Variants in KRT39 observed in about 807,000 individuals in gnomAD.
KRT39 encodes keratin, type I cytoskeletal 39.
Under a neutral mutation model 54.8 loss-of-function variants are expected in KRT39, and 47 were observed. The ratio of observed to expected loss-of-function variants is 0.86; its 90% CI spans 0.68 to 1.09. The LOEUF (loss-of-function observed/expected upper bound fraction) is 1.09. Ranked by LOEUF, KRT39 falls within the 50% of genes least tolerant of loss-of-function variation. KRT39 has a pLI of 0.00. For synonymous variants in KRT39, 207 were observed against 227.9 expected, an observed-to-expected ratio of 0.91 and a Z score of 0.83; for missense variants, 580 against 598.5, an observed-to-expected ratio of 0.97 and a Z score of 0.32.
intron 5 of KRT39, 67 bp from the exon 6 acceptor site, chr17:40,960,568 T>C: frequency 8.5e-7 from 1 of 1,170,680 alleles, no homozygotes. Context: ...GTGACCTGTA[T>C]CATTTAAAAA....
intron 3 of KRT39, among the ~76,000 whole-genome samples, chr17:40,962,865 T>A (rs1460179938): frequency 6.6e-6 from 1 of 152,166 alleles, no homozygotes; most frequent in East Asian, 1.9e-4. Context: ...GTGGAATTGA[T>A]CATGAGAGAT....
Position 40,960,376 on chromosome 17 carries a change from T to C in KRT39, c.1122A>G (p.Arg374=). 6.2e-7 allele frequency: 1 copy of C among 1,614,122 alleles called. No homozygotes were observed. The highest frequency in any genetic ancestry group is 1.1e-5 in the South Asian group (1 of 91,078). The part of the protein sequence containing the change: ...QLAEIRCALE[R]QNQEYEILLD... ...GCAGGATCTCGTATTCTTGGTTCTGTCTTTCCAGGGCACACCGGATCTCTG... is the reference window on the plus strand; with the variant it reads ...GCAGGATCTCGTATTCTTGGTTCTGCCTTTCCAGGGCACACCGGATCTCTG... Residue 374 remains arginine (R), a synonymous_variant, in exon 6 of 7, where the codon AGA becomes AGG. Coordinates refer to ENST00000355612, the MANE Select transcript of KRT39 (RefSeq NM_213656.4).
In KRT39 at chr17:40,964,519, T is replaced by G. The variant is rs1911284622; in HGVS notation, c.478A>C (p.Thr160Pro). 2 of 1,610,616 alleles carry G rather than the reference T, an allele frequency of 1.2e-6. No individual in the cohort carries two copies. Among genetic ancestry groups the G allele is most frequent in the Non-Finnish European group, 1.7e-6 (2 of 1,176,852 alleles). The change falls in exon 2 of 7, where the codon ACC becomes CCC. Residue 160 changes from threonine to proline, a missense_variant. By Grantham distance (38) the Thr-to-Pro change is conservative. Coordinates refer to ENST00000355612, the MANE Select transcript of KRT39 (RefSeq NM_213656.4). ...IEELQQKILC[T>P]KAENSRLVSQ... ...ACCAGTCTGGAATTCTCGGCCTTGG[T>G]ACACAAGATCTAGAATTAAGAGATT... is the stretch of plus-strand genomic sequence containing the variant.
intron 6 of KRT39, 92 bp downstream of exon 6, chr17:40,960,185 TCAAA>T (rs2143610567): frequency 2.8e-6 from 3 of 1,066,692 alleles, no homozygotes; most frequent in Admixed American, 3.6e-5. Flanking sequence ...GGCAAGAAGG[TCAAA>T]CAAAGCACTT....
At chr17:40,963,544 A>T in intron 3 of KRT39, 83 bp downstream of exon 3, 1 of 1,314,658 alleles carries the variant, frequency 7.6e-7, no homozygotes, top group Non-Finnish European at 1.0e-6. Context: ...AAGCGGGCAC[A>T]CCCTTTGTCA....
chr17:40,966,747 C>T lies in KRT39; in HGVS notation c.110G>A (p.Gly37Asp), dbSNP rs1315646331. Reference sequence around the variant, plus strand: ...TTGACAGTTGTTGACTGTAAGGCCACCAGGATGGCAGCCGTTGTTAGAAGA... The same window carrying T: ...TTGACAGTTGTTGACTGTAAGGCCATCAGGATGGCAGCCGTTGTTAGAAGA... ...TISSNNGCHP[G>D]GLTVNNCQPA... Residue 37 changes from glycine to aspartate, a missense_variant, in exon 1 of 7, where the codon GGT becomes GAT. Transcript: ENST00000355612. 3 of 1,614,046 alleles carry T rather than the reference C, an allele frequency of 1.9e-6. No individual in the cohort carries two copies. Among genetic ancestry groups the T allele is most frequent in the Non-Finnish European group, 2.5e-6 (3 of 1,180,034 alleles).
rs143865409 is a variant in KRT39, at chr17:40,959,630, C to T, written c.1217+651G>A. Among the ~76,000 whole-genome samples, 108 of 152,258 alleles carry T rather than the reference C, an allele frequency of 7.1e-4. No individual in the cohort carries two copies. In the East Asian group the frequency reaches 9.8e-3, roughly 14 times the overall value. On this transcript the variant is annotated intron_variant, in intron 6 of 6. Coordinates refer to ENST00000355612, the MANE Select transcript of KRT39 (RefSeq NM_213656.4). ...CTGTGAAGAGTTCACTGATTATTTT[C>T]GGGAAGTAGGTCTCCTTTGCAATTG...
At chr17:40,959,775 T>TAGCA (rs1911060310) in intron 6 of KRT39, among the ~76,000 whole-genome samples, 2 of 152,220 alleles carry the variant, frequency 1.3e-5, no homozygotes, top group African/African-American at 4.8e-5. Context: ...ACTTTTATTT[T>TAGCA]TTAAAAAAGA....
chr17:40,959,087 C>A (rs17843024), intron 6 of KRT39, among the ~76,000 whole-genome samples: 37,982 of 152,090 alleles, frequency 0.25, 6,455 homozygotes, highest in African/African-American at 0.49. Flanking sequence ...TGTAAGTTTC[C>A]ATTAGTCAAT....
intron 6 of KRT39, 103 bp from the exon 7 acceptor site, chr17:40,958,962 C>A: frequency 3.0e-6 from 3 of 999,434 alleles, no homozygotes; most frequent in East Asian, 2.4e-5. Context: ...TTGCTCAAGA[C>A]AAGTACATAC....
intron 2 of KRT39, 53 bp from the exon 3 acceptor site, chr17:40,963,836 C>A: frequency 6.9e-7 from 1 of 1,444,792 alleles, no homozygotes; most frequent in Non-Finnish European, 9.5e-7. Context: ...TGATGCAAAC[C>A]AAGCCAAGCA....
rs1911010999 is a variant in KRT39 at position 40,958,789 on chromosome 17, C to G, written c.1288G>C (p.Glu430Gln). 2 of 1,613,902 alleles carry G rather than the reference C, an allele frequency of 1.2e-6. No individual in the cohort carries two copies. Among genetic ancestry groups the G allele is most frequent in the Admixed American group, 3.3e-5 (2 of 60,002 alleles). Residue 430 changes from glutamate to glutamine, a missense_variant, in exon 7 of 7, where the codon GAA (glutamate) becomes CAA (glutamine). Transcript: ENST00000355612. ...GATGTGCAAGCTGGGGCCGTGCTTT[C>G]TATGGCTCCGGACTTACAAGATGTC... Reference protein sequence around the residue: ...PWTSCKSGAIESTAPACTSSS... With the variant: ...PWTSCKSGAIQSTAPACTSSS...
rs779568285 is a variant in KRT39, at chr17:40,966,380, G to T, written c.468+9C>A. 6.4e-7 allele frequency: 1 copy of T among 1,572,558 alleles called. No individual in the cohort carries two copies. Among genetic ancestry groups the T allele is most frequent in the Non-Finnish European group, 8.7e-7 (1 of 1,143,778 alleles). ...ACAACACGATTAAACAGGTTCTTAGGAATCTTACCTTCTGCTGGAGCTCCT... is the reference window on the plus strand; with the variant it reads ...ACAACACGATTAAACAGGTTCTTAGTAATCTTACCTTCTGCTGGAGCTCCT... On this transcript the variant is annotated intron_variant, in intron 1 of 6. Coordinates refer to ENST00000355612, the MANE Select transcript of KRT39 (RefSeq NM_213656.4).
In KRT39 at chr17:40,962,778, A is replaced by C. The variant is rs540099093; in HGVS notation, c.709-215T>G. 3.9e-5 allele frequency among the ~76,000 whole-genome samples: 6 copies of C among 152,368 alleles called. No individual in the cohort carries two copies. The South Asian group carries it at 6.2e-4, about 16-fold the overall frequency. ...GTTTAAATGTGTGCAAAATTAAAAAAAAATGAGTAGCAAGACCAGAGTTCC... is the reference window on the plus strand; with the variant it reads ...GTTTAAATGTGTGCAAAATTAAAAACAAATGAGTAGCAAGACCAGAGTTCC... On this transcript the variant is annotated intron_variant, in intron 3 of 6. Coordinates refer to ENST00000355612, the MANE Select transcript of KRT39 (RefSeq NM_213656.4).
At chr17:40,959,088 A>G (rs1239709207) in intron 6 of KRT39, among the ~76,000 whole-genome samples, 2 of 152,246 alleles carry the variant, frequency 1.3e-5, no homozygotes, top group Non-Finnish European at 2.9e-5. Context: ...GTAAGTTTCC[A>G]TTAGTCAATA....
At chr17:40,962,595 G>T (rs768496237) in intron 3 of KRT39, 32 bp from the exon 4 acceptor site, 4 of 1,593,734 alleles carry the variant, frequency 2.5e-6, no homozygotes, top group Non-Finnish European at 3.4e-6. Flanking sequence ...GAAGTCACTT[G>T]GTGAACAGAT....
chr17:40,959,028 G>T (rs2143607363), intron 6 of KRT39, among the ~76,000 whole-genome samples, 169 bp from the exon 7 acceptor site: 1 of 152,290 alleles, frequency 6.6e-6, no homozygotes, highest in South Asian at 2.1e-4. Context: ...AAAAGAATCA[G>T]ATTAAATCCA....
intron 4 of KRT39, 30 bp from the exon 5 acceptor site, chr17:40,962,317 T>C: frequency 6.2e-7 from 1 of 1,612,940 alleles, no homozygotes; most frequent in Non-Finnish European, 8.5e-7. Flanking sequence ...ACTGAGAATA[T>C]TATGGGAGGA....
chr17:40,960,261 G>C lies in KRT39; in HGVS notation c.1217+20C>G. ...TCATTTACACTTTTTTGTCATAGAA[G>C]TTGCTGTTATTTTACATACTTGCCA... is the stretch of plus-strand genomic sequence containing the variant. On this transcript the variant is annotated intron_variant, in intron 6 of 6. Transcript: ENST00000355612. The C allele has an allele frequency of 1.3e-6, 2 of 1,598,650 alleles. No individual in the cohort carries two copies. The highest frequency in any genetic ancestry group is 1.7e-6 in the Non-Finnish European group (2 of 1,172,338).
Sources: gnomAD v4.1 joint callset for allele counts (sites outside exome capture counted in the v4.1 genomes callset) on GRCh38, gnomAD v4.1.1 for gene constraint, MANE v1.5 for transcripts, NCBI Gene and HGNC (gene_info 2026-07-23, HGNC 2026-07-21) for gene names.